The following SIPA1L3 variants were observed in gnomAD, a reference collection of about 807,000 sequenced individuals.
SIPA1L3 encodes signal induced proliferation associated 1 like 3.
In SIPA1L3, 59 loss-of-function variants were observed where a neutral mutation model predicts 150.1. The ratio of observed to expected loss-of-function variants is 0.39; its 90% CI spans 0.32 to 0.49. The LOEUF (loss-of-function observed/expected upper bound fraction) is 0.49. Ranked by LOEUF, SIPA1L3 falls within the 20% of genes least tolerant of loss-of-function variation. The probability of loss-of-function intolerance (pLI) is 0.86; values close to 1 mark genes in which losing one functional copy is unlikely to be tolerated. For synonymous variants in SIPA1L3, 1,070 were observed against 1,077.6 expected, an observed-to-expected ratio of 0.99 and a Z score of 0.14; for missense variants, 2,211 against 2,489.5, an observed-to-expected ratio of 0.89 and a Z score of 2.38.
intron 1 of SIPA1L3, among the ~76,000 whole-genome samples, chr19:38,024,926 C>T (rs1484286271): frequency 6.6e-6 from 1 of 152,114 alleles, no homozygotes; most frequent in African/African-American, 2.4e-5. Context: ...CCAGAGCTGG[C>T]CCAGCTGGAG....
At chr19:37,918,976 G>A (rs2046436143) in intron 1 of SIPA1L3, among the ~76,000 whole-genome samples, 1 of 152,178 alleles carries the variant, frequency 6.6e-6, no homozygotes, top group Admixed American at 6.5e-5. Flanking sequence ...CCTCATTGCT[G>A]TGTATTCTGG....
intron 1 of SIPA1L3, among the ~76,000 whole-genome samples, chr19:38,026,323 A>G (rs1363839933): frequency 1.3e-5 from 2 of 152,142 alleles, no homozygotes; most frequent in African/African-American, 4.8e-5. Flanking sequence ...CCATAGTCCC[A>G]GTATATATCA....
intron 1 of SIPA1L3, among the ~76,000 whole-genome samples, chr19:37,965,805 A>G (rs1490981376): frequency 6.8e-6 from 1 of 146,226 alleles, no homozygotes; most frequent in African/African-American, 2.6e-5. Context: ...GGGTGACATT[A>G]AATTCCACGT....
At chr19:38,168,309 C>T (rs1216982005) in intron 15 of SIPA1L3, among the ~76,000 whole-genome samples, 2 of 151,922 alleles carry the variant, frequency 1.3e-5, no homozygotes, top group Non-Finnish European at 2.9e-5. Flanking sequence ...ATCCCTTGAA[C>T]CTGGGAGGTG....
Position 38,164,380 on chromosome 19 carries a change from TG to T in SIPA1L3, c.3781-97del. 2.6e-6 allele frequency: 3 copies of T among 1,143,808 alleles called. No homozygotes were observed. The highest frequency in any genetic ancestry group is 1.5e-5 in the South Asian group (1 of 68,074). The allele number at this position is 1,143,808 out of a possible 1,614,324, so 70.9% of individuals were successfully genotyped here. ...TGAGAAGCCAGGATTTGAAGCTGTC[TG>T]GTCCCAGGGTTCAGGCCCAGGCAGA... is the stretch of plus-strand genomic sequence containing the variant. On this transcript the variant is annotated intron_variant, in intron 14 of 21. Coordinates refer to ENST00000222345, the MANE Select transcript of SIPA1L3 (RefSeq NM_015073.3). This position sits in a 1 kb window ranked among gnomAD's most constrained non-coding sequence, Gnocchi z 4.1.
intron 1 of SIPA1L3, among the ~76,000 whole-genome samples, chr19:37,961,018 G>A (rs918978320): frequency 9.9e-5 from 15 of 151,768 alleles, no homozygotes; most frequent in African/African-American, 3.1e-4. Flanking sequence ...ACAGGCACCC[G>A]CCACCACACT....
chr19:38,157,161 T>G (rs892496741), intron 13 of SIPA1L3, among the ~76,000 whole-genome samples: 6 of 151,756 alleles, frequency 4.0e-5, no homozygotes, highest in Non-Finnish European at 8.8e-5. Context: ...CCTGTCTCAA[T>G]AAAATAAAAA....
At chr19:38,152,672 A>C (rs1971851386) in intron 12 of SIPA1L3, among the ~76,000 whole-genome samples, 168 bp from the exon 13 acceptor site, 2 of 152,030 alleles carry the variant, frequency 1.3e-5, no homozygotes, top group Non-Finnish European at 2.9e-5. Flanking sequence ...AGCTAATAGC[A>C]CGTTTCCAGG....
At chr19:37,993,372 C>T (rs1368562799) in intron 1 of SIPA1L3, among the ~76,000 whole-genome samples, 1 of 152,098 alleles carries the variant, frequency 6.6e-6, no homozygotes, top group African/African-American at 2.4e-5. Context: ...ACTCTTATTG[C>T]CCAGGCTGGA....
intron 1 of SIPA1L3, among the ~76,000 whole-genome samples, chr19:37,976,665 C>T (rs1342794452): frequency 6.6e-6 from 1 of 152,118 alleles, no homozygotes; most frequent in Non-Finnish European, 1.5e-5. Flanking sequence ...GCATCTCAAG[C>T]TTTCTGTGCA....
intron 21 of SIPA1L3, among the ~76,000 whole-genome samples, 191 bp downstream of exon 21, chr19:38,204,399 T>C (rs556498939): frequency 5.3e-5 from 8 of 152,092 alleles, no homozygotes; most frequent in Non-Finnish European, 1.0e-4. Flanking sequence ...GAGAAACTCA[T>C]CCATTCTTGG....
chr19:37,922,744 C>T (rs1349219254), intron 1 of SIPA1L3, among the ~76,000 whole-genome samples: 6 of 151,904 alleles, frequency 3.9e-5, no homozygotes, highest in African/African-American at 1.2e-4. Flanking sequence ...GTTCTAGATA[C>T]CAGGGTGCAG....
At chr19:37,918,871 A>T (rs1599791937) in intron 1 of SIPA1L3, among the ~76,000 whole-genome samples, 1 of 140,214 alleles carries the variant, frequency 7.1e-6, no homozygotes, top group Non-Finnish European at 1.5e-5. Context: ...ACTCGGTCTC[A>T]AAATAAATAA....
At chr19:38,173,909 G>A (rs1314885071) in intron 15 of SIPA1L3, among the ~76,000 whole-genome samples, 2 of 151,686 alleles carry the variant, frequency 1.3e-5, no homozygotes, top group Non-Finnish European at 2.9e-5. Context: ...CTTCCGCATG[G>A]CTGGAGCAGA....
rs1973216314 is a variant in SIPA1L3, at chr19:38,206,443, T to G, written c.*203T>G. On this transcript the variant is annotated 3_prime_UTR_variant, in exon 22 of 22. Coordinates refer to ENST00000222345, the MANE Select transcript of SIPA1L3 (RefSeq NM_015073.3). ...AGCCCTCATGCCCCAGAGGGCGAAG[T>G]GGTCTCAGGCCTCCCTCCAAGCTGC... The G allele has an allele frequency of 1.7e-6, 1 of 595,658 alleles. No individual in the cohort carries two copies. The highest frequency in any genetic ancestry group is 2.8e-6 in the Non-Finnish European group (1 of 360,092). 36.9% of individuals were successfully genotyped at this position (595,658 alleles called of 1,614,324 possible). A position where few individuals can be genotyped will look rare whatever the true frequency, so the allele number is the denominator to read the frequency against.
At chr19:38,137,416 T>A (rs1971459829) in intron 10 of SIPA1L3, among the ~76,000 whole-genome samples, 1 of 152,056 alleles carries the variant, frequency 6.6e-6, no homozygotes, top group African/African-American at 2.4e-5. Context: ...CTTTAACTCC[T>A]GACCTCAGGT....
chr19:37,998,171 A>T lies in SIPA1L3; in HGVS notation c.-378-30918A>T, dbSNP rs74462291. Among the ~76,000 whole-genome samples, 1,220 of 152,340 alleles carry T rather than the reference A, an allele frequency of 8.0e-3. 13 individuals carry two copies. The highest frequency in any genetic ancestry group is 0.028 in the African/African-American group (1,180 of 41,582). On this transcript the variant is annotated intron_variant, in intron 1 of 21. Coordinates refer to ENST00000222345, the MANE Select transcript of SIPA1L3 (RefSeq NM_015073.3). ...ATTCTTTTGATGAGTGCATGAATGG[A>T]AAATCTGAGTCAGAAGCGACTCACG...
intron 15 of SIPA1L3, among the ~76,000 whole-genome samples, chr19:38,173,964 G>T (rs147260572): frequency 1.2e-3 from 179 of 148,422 alleles, no homozygotes; most frequent in African/African-American, 4.1e-3. Context: ...GAGAAGAGAG[G>T]GGGGCAGATG....
intron 6 of SIPA1L3, among the ~76,000 whole-genome samples, chr19:38,101,897 G>A (rs1031534070): frequency 2.0e-5 from 3 of 152,160 alleles, no homozygotes; most frequent in African/African-American, 2.4e-5. Context: ...GCAGAGTTGC[G>A]CCGTGTTCAC....
Sources: gnomAD v4.1 joint callset for allele counts (sites outside exome capture counted in the v4.1 genomes callset) on GRCh38, gnomAD v4.1.1 for gene constraint, Gnocchi (gnomAD v3.1) non-coding constraint, MANE v1.5 for transcripts, NCBI Gene and HGNC (gene_info 2026-07-23, HGNC 2026-07-21) for gene names.